SYCP2: variants seen among roughly 807,000 people sequenced by gnomAD.
SYCP2 encodes synaptonemal complex lateral element protein.
A neutral mutation model predicts 211.3 loss-of-function variants in SYCP2; 55 were observed. The ratio of observed to expected loss-of-function variants is 0.26; its 90% CI spans 0.21 to 0.33. SYCP2 has a LOEUF of 0.33. Ranked by LOEUF, SYCP2 falls within the 10% of genes least tolerant of loss-of-function variation. The pLI, the probability that SYCP2 is intolerant of heterozygous loss-of-function variation, is 1.00. For synonymous variants in SYCP2, 570 were observed against 555.2 expected, an observed-to-expected ratio of 1.03 and a Z score of -0.37; for missense variants, 1,731 against 1,752.0, an observed-to-expected ratio of 0.99 and a Z score of 0.21.
At chr20:59,882,424 A>G (rs966138038) in intron 26 of SYCP2, among the ~76,000 whole-genome samples, 17 of 152,160 alleles carry the variant, frequency 1.1e-4, no homozygotes, top group African/African-American at 3.9e-4. Context: ...ATAGAACTAC[A>G]GTATGATCCA....
At chr20:59,868,639 T>A in intron 37 of SYCP2, 71 bp from the exon 38 acceptor site, 1 of 1,477,276 alleles carries the variant, frequency 6.8e-7, no homozygotes, top group East Asian at 2.4e-5. Flanking sequence ...TTCTTGCTTT[T>A]ATTTTAAAAA....
intron 15 of SYCP2, among the ~76,000 whole-genome samples, chr20:59,902,542 A>C (rs1010342104): frequency 2.0e-5 from 3 of 152,142 alleles, no homozygotes; most frequent in African/African-American, 4.8e-5. Flanking sequence ...GGGCAAGAGA[A>C]AAACACTCTG....
Position 59,869,290 on chromosome 20 carries a change from T to C in SYCP2, c.3742-365A>G, listed in dbSNP as rs1417157145. On this transcript the variant is annotated intron_variant, in intron 36 of 44. Transcript: ENST00000357552. Reference sequence around the variant, plus strand: ...CTAACCTTATGTTATACTATTTGAATATACAGGTTTTACTTAGTAACCTTT... The same window carrying C: ...CTAACCTTATGTTATACTATTTGAACATACAGGTTTTACTTAGTAACCTTT... Among the ~76,000 whole-genome samples, 3 of 151,832 alleles carry C rather than the reference T, an allele frequency of 2.0e-5. No homozygotes were observed. The East Asian group carries it at 5.8e-4, about 29-fold the overall frequency.
intron 25 of SYCP2, 130 bp from the exon 26 acceptor site, chr20:59,886,094 A>G: frequency 1.5e-6 from 1 of 653,128 alleles, no homozygotes; most frequent in Non-Finnish European, 2.6e-6. Flanking sequence ...TGTAACAGTA[A>G]TAGTCTGATA....
intron 2 of SYCP2, among the ~76,000 whole-genome samples, chr20:59,926,025 T>G (rs867842035): frequency 6.6e-6 from 1 of 151,916 alleles, no homozygotes; most frequent in Non-Finnish European, 1.5e-5. Flanking sequence ...GAAACAAACT[T>G]TAGAAGTAAC....
chr20:59,922,504 A>G (rs1182878793), intron 2 of SYCP2, 45 bp from the exon 3 acceptor site: 2 of 1,017,246 alleles, frequency 2.0e-6, no homozygotes, highest in Non-Finnish European at 2.9e-6. Flanking sequence ...AATCTGTTTC[A>G]TGTGTTTATC....
chr20:59,886,890 A>T, intron 24 of SYCP2, 56 bp from the exon 25 acceptor site: 1 of 1,404,402 alleles, frequency 7.1e-7, no homozygotes, highest in Non-Finnish European at 9.5e-7. Flanking sequence ...TAAAGGAAAA[A>T]TAAAGGCTGA....
At chr20:59,915,658 G>A (rs1404452285) in intron 8 of SYCP2, 108 bp from the exon 9 acceptor site, 2 of 710,888 alleles carry the variant, frequency 2.8e-6, no homozygotes, top group African/African-American at 1.8e-5. Context: ...CTTAATCACT[G>A]AGTTTTATTA....
At chr20:59,931,232 C>A (rs2060734649) in intron 2 of SYCP2, among the ~76,000 whole-genome samples, 1 of 152,156 alleles carries the variant, frequency 6.6e-6, no homozygotes, top group South Asian at 2.1e-4. Context: ...CCAGCATGGG[C>A]AACATGGTGA....
intron 35 of SYCP2, 28 bp from the exon 36 acceptor site, chr20:59,870,011 A>T: frequency 6.9e-7 from 1 of 1,458,440 alleles, no homozygotes; most frequent in Non-Finnish European, 9.2e-7. Context: ...CAAAAACCCA[A>T]TAAGAAGTTA....
At chr20:59,903,247 T>C (rs2060150343) in intron 15 of SYCP2, among the ~76,000 whole-genome samples, 1 of 152,106 alleles carries the variant, frequency 6.6e-6, no homozygotes, top group Non-Finnish European at 1.5e-5. Context: ...TTAGTTAGTG[T>C]TACTGAGATA....
intron 30 of SYCP2, 87 bp from the exon 31 acceptor site, chr20:59,880,558 C>CA (rs371146363): frequency 0.027 from 17,533 of 649,720 alleles, 150 homozygotes; most frequent in Middle Eastern, 0.038. Context: ...ACAACAACAA[C>CA]AAAAAAAAAC....
rs954644629 is a variant in SYCP2, at chr20:59,873,934, T to C, written c.3477A>G (p.Ile1159Met). 4 of 1,613,360 alleles carry C rather than the reference T, an allele frequency of 2.5e-6. No homozygotes were observed. The highest frequency in any genetic ancestry group is 3.4e-6 in the Non-Finnish European group (4 of 1,179,612). ...LNSNSGVGGTIKSPKNNEKNF... is the reference protein window; with the variant it reads ...LNSNSGVGGTMKSPKNNEKNF... Reference sequence around the variant, plus strand: ...TTTTCTCATTGTTTTTGGGTGACTTTATTGTACCTCCAACTCCACTGTTAC... The same window carrying C: ...TTTTCTCATTGTTTTTGGGTGACTTCATTGTACCTCCAACTCCACTGTTAC... The change falls in exon 35 of 45, where the codon ATA becomes ATG. Residue 1159 changes from isoleucine (I) to methionine (M), a missense_variant. Physicochemically the swap from Ile to Met is conservative, Grantham distance 10. This residue lies in a region of SYCP2 where 1,387 missense variants were observed against 1,351.3 expected (regional missense o/e 1.03). Transcript: ENST00000357552.
chr20:59,868,773 G>C lies in SYCP2; in HGVS notation c.3832+62C>G, dbSNP rs930681039. On this transcript the variant is annotated intron_variant, in intron 37 of 44. Transcript: ENST00000357552. ...TGACTTAAAATACATAATTCCTTTAGTTGAAATGTCACGTAGCATTTCAGT... is the reference window on the plus strand; with the variant it reads ...TGACTTAAAATACATAATTCCTTTACTTGAAATGTCACGTAGCATTTCAGT... 4 of 1,415,656 alleles carry C rather than the reference G, an allele frequency of 2.8e-6. No homozygotes were observed. The African/African-American group carries it at 5.8e-5, about 21-fold the overall frequency. The allele number at this position is 1,415,656 out of a possible 1,614,324, so 87.7% of individuals were successfully genotyped here.
At chr20:59,907,523 T>G in intron 14 of SYCP2, 99 bp from the exon 15 acceptor site, 2 of 948,218 alleles carry the variant, frequency 2.1e-6, no homozygotes, top group Middle Eastern at 2.7e-4. Flanking sequence ...TGAATTCTTT[T>G]TGCTAGTCAC....
intron 4 of SYCP2, 43 bp from the exon 5 acceptor site, chr20:59,920,530 C>G (rs773280331): frequency 6.9e-7 from 1 of 1,454,428 alleles, no homozygotes; most frequent in Non-Finnish European, 9.5e-7. Flanking sequence ...AAACACAAAA[C>G]AGTATGAAAT....
chr20:59,892,773 T>C (rs1423507227), intron 22 of SYCP2, 72 bp from the exon 23 acceptor site: 8 of 1,408,810 alleles, frequency 5.7e-6, no homozygotes, highest in Non-Finnish European at 6.6e-6. Flanking sequence ...ATTTTTAATG[T>C]AGTCAACGTT....
chr20:59,878,783 T>C (rs528247688), intron 31 of SYCP2, among the ~76,000 whole-genome samples: 18 of 152,264 alleles, frequency 1.2e-4, no homozygotes, highest in Admixed American at 2.6e-4. Context: ...GATTTACCCA[T>C]ATTATTGATA....
rs1056081724 is a variant in SYCP2 at position 59,893,167 on chromosome 20, C to T, written c.1768G>A (p.Ala590Thr). ...ATAGTATGATCTCTTTTTTCCGCTGCCTGTGAATCTGGTATAACATCCTGG... is the reference window on the plus strand; with the variant it reads ...ATAGTATGATCTCTTTTTTCCGCTGTCTGTGAATCTGGTATAACATCCTGG... ...ELQDVIPDSQ[A>T]AEKRDHTILP... is the part of the protein sequence containing the mutation. The change falls in exon 22 of 45, where the codon GCA (alanine) becomes ACA (threonine). Residue 590 changes from alanine to threonine, a missense_variant. By Grantham distance (58) the Ala-to-Thr change is moderately conservative. Transcript: ENST00000357552. 1 of 1,603,146 alleles carries T rather than the reference C, an allele frequency of 6.2e-7. No homozygotes were observed. The highest frequency in any genetic ancestry group is 8.5e-7 in the Non-Finnish European group (1 of 1,174,272).
Sources: allele counts gnomAD v4.1 joint callset (sites outside exome capture counted in the v4.1 genomes callset), GRCh38; gene constraint gnomAD v4.1.1; regional missense constraint gnomAD v4.1.1; transcripts MANE v1.5; gene names NCBI Gene and HGNC (gene_info 2026-07-23, HGNC 2026-07-21).